PLXNA4: variants seen among roughly 807,000 people sequenced by gnomAD.
The protein encoded by PLXNA4 is plexin-A4.
PLXNA4 carries 44 observed loss-of-function variants against 191.8 expected under a neutral mutation model. That is an observed-to-expected ratio of 0.23 (90% CI 0.18 to 0.29). The LOEUF (loss-of-function observed/expected upper bound fraction) is 0.29. Ranked by LOEUF, PLXNA4 falls within the 10% of genes least tolerant of loss-of-function variation. The pLI, the probability that PLXNA4 is intolerant of heterozygous loss-of-function variation, is 1.00. For missense variants in PLXNA4, 1,800 were observed against 2,488.8 expected (o/e 0.72, Z 5.89); for synonymous variants, 1,082 against 1,009.5 (o/e 1.07, Z -1.36).
chr7:132,370,872 G>A (rs576810258), intron 3 of PLXNA4, among the ~76,000 whole-genome samples: 13 of 152,174 alleles, frequency 8.5e-5, no homozygotes, highest in Admixed American at 3.9e-4. Context: ...AGGAGTCGAC[G>A]ACTCACTTTT....
intron 3 of PLXNA4, among the ~76,000 whole-genome samples, chr7:132,380,881 T>C (rs1804868445): frequency 6.6e-6 from 1 of 152,218 alleles, no homozygotes; most frequent in Non-Finnish European, 1.5e-5. Context: ...GAAATGGCAT[T>C]AATGCCAACT....
intron 3 of PLXNA4, chr7:132,383,736 T>C (rs539354725): frequency 5.1e-6 from 5 of 984,628 alleles, no homozygotes; most frequent in South Asian, 9.4e-5. Flanking sequence ...TTGGTGATTA[T>C]TACCCTTGAA....
At chr7:132,228,190 C>T (rs1798395695) in intron 6 of PLXNA4, among the ~76,000 whole-genome samples, 156 bp downstream of exon 6, 1 of 152,148 alleles carries the variant, frequency 6.6e-6, no homozygotes, top group Non-Finnish European at 1.5e-5. Context: ...CCCGTAGACA[C>T]TTAATTCTTT....
chr7:132,323,330 G>A (rs1364562725), intron 3 of PLXNA4, among the ~76,000 whole-genome samples: 3 of 152,236 alleles, frequency 2.0e-5, no homozygotes, highest in Admixed American at 2.0e-4. Flanking sequence ...ACAGCCATGA[G>A]GCTACACAGT....
At chr7:132,432,862 C>T (rs1039846138) in intron 3 of PLXNA4, among the ~76,000 whole-genome samples, 6 of 152,228 alleles carry the variant, frequency 3.9e-5, no homozygotes, top group African/African-American at 1.4e-4. Flanking sequence ...ATTGCCTAAA[C>T]TCCTAGGCCT....
intron 2 of PLXNA4, among the ~76,000 whole-genome samples, chr7:132,500,541 G>A (rs762702906): frequency 2.6e-5 from 4 of 152,070 alleles, no homozygotes; most frequent in Non-Finnish European, 5.9e-5. Flanking sequence ...TAGGGCCTGA[G>A]ATACCAAACA....
chr7:132,582,769 T>C (rs79267475), intron 2 of PLXNA4, among the ~76,000 whole-genome samples: 5,799 of 152,284 alleles, frequency 0.038, 268 homozygotes, highest in African/African-American at 0.1. Flanking sequence ...TAGCAGATAA[T>C]AAACACAGTG....
chr7:132,542,335 G>A (rs1800120803), intron 1 of PLXNA4, among the ~76,000 whole-genome samples: 1 of 152,170 alleles, frequency 6.6e-6, no homozygotes, highest in Non-Finnish European at 1.5e-5. Context: ...TAAATAATGG[G>A]TAACATCTGG....
intron 3 of PLXNA4, among the ~76,000 whole-genome samples, chr7:132,426,658 A>C (rs558380857): frequency 4.6e-5 from 7 of 152,122 alleles, no homozygotes; most frequent in Non-Finnish European, 7.4e-5. Context: ...GAGTCTGGAG[A>C]AATTACAGAC....
intron 2 of PLXNA4, among the ~76,000 whole-genome samples, chr7:132,598,772 C>A (rs1204354280): frequency 6.6e-6 from 1 of 152,004 alleles, no homozygotes; most frequent in African/African-American, 2.4e-5. Context: ...TAATAGAAAT[C>A]CTGAATTTTG....
chr7:132,634,186 CCTT>C (rs879326255), intron 2 of PLXNA4, among the ~76,000 whole-genome samples: 27 of 152,054 alleles, frequency 1.8e-4, no homozygotes, highest in Non-Finnish European at 3.4e-4. Flanking sequence ...GCATCAAGGC[CCTT>C]TATTTAGGGT....
intron 1 of PLXNA4, among the ~76,000 whole-genome samples, chr7:132,549,409 T>A (rs1426085093): frequency 6.6e-6 from 1 of 152,170 alleles, no homozygotes; most frequent in Admixed American, 6.5e-5. Flanking sequence ...TGGTAGGAAC[T>A]GAACCACTTA....
chr7:132,437,082 G>A (rs1446834027), intron 3 of PLXNA4, among the ~76,000 whole-genome samples: 1 of 152,226 alleles, frequency 6.6e-6, no homozygotes, highest in East Asian at 1.9e-4. Flanking sequence ...GGATGGGAAG[G>A]AGCATGCCCA....
At chr7:132,156,180 A>G (rs1473040070) in intron 25 of PLXNA4, among the ~76,000 whole-genome samples, 1 of 150,606 alleles carries the variant, frequency 6.6e-6, no homozygotes, top group Non-Finnish European at 1.5e-5. Context: ...ACACACACAC[A>G]CAGACGCACA....
chr7:132,558,948 C>A (rs1800914486), intron 1 of PLXNA4, among the ~76,000 whole-genome samples: 1 of 152,094 alleles, frequency 6.6e-6, no homozygotes, highest in Non-Finnish European at 1.5e-5. Context: ...CTCACCAATC[C>A]CAAAGGCCTT....
chr7:132,460,625 C>G (rs890793404), intron 3 of PLXNA4, among the ~76,000 whole-genome samples: 6 of 152,112 alleles, frequency 3.9e-5, no homozygotes, highest in Non-Finnish European at 7.4e-5. Context: ...CTGGAAAAGT[C>G]AAACCTAGCA....
rs376377991 is a variant in PLXNA4, at chr7:132,322,184, C to CTGTCTTTTT, written c.1372-23963_1372-23962insAAAAAGACA. On this transcript the variant is annotated intron_variant, in intron 3 of 31. Transcript: ENST00000321063. The stretch of plus-strand genomic sequence containing the variant: ...CTAGAGTTCAATTTCCCTAAAAGGG[C>CTGTCTTTTT]TTTTTTTTTTTTTTTTTTAACAGAG... 8.9e-4 allele frequency among the ~76,000 whole-genome samples: 109 copies of CTGTCTTTTT among 122,492 alleles called. 4 individuals are homozygous for CTGTCTTTTT. The highest frequency in any genetic ancestry group is 3.1e-3 in the African/African-American group (102 of 33,330). 80.4% of individuals were successfully genotyped at this position (122,492 alleles called of 152,430 possible).
chr7:132,484,184 A>G (rs1315775101), intron 3 of PLXNA4, among the ~76,000 whole-genome samples: 1 of 152,238 alleles, frequency 6.6e-6, no homozygotes, highest in Non-Finnish European at 1.5e-5. Context: ...TTGGGAAGAA[A>G]GCTTAAAACA....
At chr7:132,212,094 C>A (rs1009525579) in intron 9 of PLXNA4, among the ~76,000 whole-genome samples, 1 of 152,156 alleles carries the variant, frequency 6.6e-6, no homozygotes, top group Non-Finnish European at 1.5e-5. Flanking sequence ...ATCCCCTGTG[C>A]CAGGCAGGTC....
Sources: gnomAD v4.1 joint callset for allele counts (sites outside exome capture counted in the v4.1 genomes callset) on GRCh38, gnomAD v4.1.1 for gene constraint, MANE v1.5 for transcripts, NCBI Gene and HGNC (gene_info 2026-07-23, HGNC 2026-07-21) for gene names.